ZFHX3: variants seen among roughly 807,000 people sequenced by gnomAD.
ZFHX3 encodes zinc finger homeobox protein 3.
A neutral mutation model predicts 279.1 loss-of-function variants in ZFHX3; 42 were observed. That is an observed-to-expected ratio of 0.15 (90% CI 0.12 to 0.19). The LOEUF is 0.19. ZFHX3 is among the 10% of genes least tolerant of loss of function. The pLI, the probability that ZFHX3 is intolerant of heterozygous loss-of-function variation, is 1.00. For missense variants in ZFHX3, 4,981 were observed against 4,754.0 expected (o/e 1.05, Z -1.40); for synonymous variants, 2,293 against 1,957.8 (o/e 1.17, Z -4.52).
At chr16:73,474,668 CA>C (rs1038428293) in intron 2 of ZFHX3, among the ~76,000 whole-genome samples, 5 of 152,274 alleles carry the variant, frequency 3.3e-5, no homozygotes, top group Admixed American at 3.3e-4. Context: ...GGGTCCCCTC[CA>C]GGTCTCCATC....
chr16:73,024,529 T>C (rs1042876190), intron 1 of ZFHX3, among the ~76,000 whole-genome samples: 2 of 152,120 alleles, frequency 1.3e-5, no homozygotes, highest in African/African-American at 2.4e-5. Context: ...CCCACGTGAG[T>C]TGCACTGAAA....
chr16:73,446,328 C>A (rs1210122279), intron 3 of ZFHX3, among the ~76,000 whole-genome samples: 1 of 152,104 alleles, frequency 6.6e-6, no homozygotes, highest in East Asian at 1.9e-4. Context: ...GCTGGGGAGG[C>A]CTCAGGAAAC....
intron 1 of ZFHX3, among the ~76,000 whole-genome samples, chr16:73,027,455 A>G (rs1337323174): frequency 2.6e-5 from 4 of 152,230 alleles, no homozygotes; most frequent in Non-Finnish European, 5.9e-5. Flanking sequence ...AAACTTCTCT[A>G]GAAAACAATG....
At chr16:73,230,649 C>G (rs994147863) in intron 5 of ZFHX3, among the ~76,000 whole-genome samples, 2 of 152,160 alleles carry the variant, frequency 1.3e-5, no homozygotes, top group African/African-American at 4.8e-5. Flanking sequence ...CATCAGTAGA[C>G]CTACTCGGGA....
At chr16:73,198,194 C>T (rs1414406959) in intron 5 of ZFHX3, among the ~76,000 whole-genome samples, 1 of 151,900 alleles carries the variant, frequency 6.6e-6, no homozygotes, top group African/African-American at 2.4e-5. Flanking sequence ...GCCTCAGGCT[C>T]CCAAAGTGTT....
intron 1 of ZFHX3, among the ~76,000 whole-genome samples, chr16:73,000,892 T>G (rs1457092934): frequency 6.6e-6 from 1 of 152,178 alleles, no homozygotes; most frequent in Non-Finnish European, 1.5e-5. Context: ...CAGCCAACAC[T>G]AAGCAATGAA....
intron 3 of ZFHX3, among the ~76,000 whole-genome samples, chr16:72,934,505 C>A (rs1217883710): frequency 6.6e-6 from 1 of 152,206 alleles, no homozygotes; most frequent in Admixed American, 6.5e-5. Context: ...ACCATAGCCA[C>A]AGGTTCAGTA....
intron 2 of ZFHX3, among the ~76,000 whole-genome samples, chr16:73,611,819 TA>T (rs1034980554): frequency 6.6e-6 from 1 of 152,230 alleles, no homozygotes; most frequent in Non-Finnish European, 1.5e-5. Context: ...TTATTAATTT[TA>T]AAAGGGCAAA....
chr16:73,634,433 A>AATATATATATATGTATATAT (rs2052508548), intron 2 of ZFHX3, among the ~76,000 whole-genome samples: 2 of 59,884 alleles, frequency 3.3e-5, no homozygotes, highest in African/African-American at 8.7e-5. Context: ...TATTATGTAT[A>AATATATATATATGTATATAT]ATATATATAT....
chr16:73,372,697 T>C (rs9928063), intron 3 of ZFHX3, among the ~76,000 whole-genome samples: 10,451 of 152,242 alleles, frequency 0.069, 1,055 homozygotes, highest in African/African-American at 0.22. Flanking sequence ...GCCCATGATT[T>C]TGAGGAAGGA....
At chr16:73,884,409 A>G (rs1198086374) in intron 1 of ZFHX3, among the ~76,000 whole-genome samples, 1 of 152,240 alleles carries the variant, frequency 6.6e-6, no homozygotes, top group African/African-American at 2.4e-5. Context: ...GGATATCTTT[A>G]AGACAACATA....
chr16:73,501,905 T>TG (rs1385484494), intron 2 of ZFHX3, among the ~76,000 whole-genome samples: 1 of 152,152 alleles, frequency 6.6e-6, no homozygotes, highest in Non-Finnish European at 1.5e-5. Context: ...CTTACCTCTC[T>TG]GGGGAAGGAC....
chr16:73,728,359 T>G (rs929649298), intron 1 of ZFHX3, among the ~76,000 whole-genome samples: 4 of 152,094 alleles, frequency 2.6e-5, no homozygotes, highest in Non-Finnish European at 5.9e-5. Flanking sequence ...AGAAAATAAA[T>G]TTCTGTATTT....
intron 5 of ZFHX3, among the ~76,000 whole-genome samples, chr16:73,203,878 T>G (rs544528093): frequency 1.3e-5 from 2 of 152,342 alleles, no homozygotes; most frequent in East Asian, 3.9e-4. Context: ...GAGTTGGGTC[T>G]GGTGAGTTTC....
At chr16:73,739,916 C>T (rs982100419) in intron 1 of ZFHX3, among the ~76,000 whole-genome samples, 3 of 152,112 alleles carry the variant, frequency 2.0e-5, no homozygotes, top group African/African-American at 7.2e-5. Context: ...TCATGTCCAC[C>T]TCCACTCTGT....
At chr16:72,966,968 C>T (rs1961872539) in intron 1 of ZFHX3, among the ~76,000 whole-genome samples, 1 of 152,166 alleles carries the variant, frequency 6.6e-6, no homozygotes, top group African/African-American at 2.4e-5. Flanking sequence ...ATCAGGCAGC[C>T]TATGAAAGGT....
intron 3 of ZFHX3, among the ~76,000 whole-genome samples, chr16:73,333,583 A>G (rs1340835461): frequency 1.3e-5 from 2 of 152,150 alleles, no homozygotes; most frequent in Admixed American, 6.5e-5. Flanking sequence ...ATGGTGGGGT[A>G]TAGGATGAGT....
intron 2 of ZFHX3, among the ~76,000 whole-genome samples, chr16:73,649,900 A>G (rs2052654796): frequency 6.6e-6 from 1 of 152,224 alleles, no homozygotes; most frequent in Admixed American, 6.5e-5. Context: ...GGAAATCTGC[A>G]TTTGATCGAA....
intron 3 of ZFHX3, among the ~76,000 whole-genome samples, chr16:73,452,784 G>A (rs1222453381): frequency 6.6e-6 from 1 of 152,154 alleles, no homozygotes; most frequent in Non-Finnish European, 1.5e-5. Flanking sequence ...TGAGGAATTG[G>A]GAGCAAGAAA....
Sources: allele counts gnomAD v4.1 joint callset (sites outside exome capture counted in the v4.1 genomes callset), GRCh38; gene constraint gnomAD v4.1.1; transcripts MANE v1.5; gene names NCBI Gene and HGNC (gene_info 2026-07-23, HGNC 2026-07-21).